NAA16: variants seen among roughly 807,000 people sequenced by gnomAD.
NAA16 encodes the protein N-alpha-acetyltransferase 16, NatA auxiliary subunit.
In NAA16, 97 loss-of-function variants were observed where a neutral mutation model predicts 110.3. The observed-to-expected ratio is 0.88, with a 90% CI of 0.75 to 1.04. The LOEUF is 1.04. NAA16 is among the 50% of genes least tolerant of loss of function. The probability of loss-of-function intolerance (pLI) is 0.00; values close to 1 mark genes in which losing one functional copy is unlikely to be tolerated. For missense variants in NAA16, 1,017 were observed against 1,005.1 expected, an observed-to-expected ratio of 1.01 and a Z score of -0.16; for synonymous variants, 372 against 330.6, an observed-to-expected ratio of 1.13 and a Z score of -1.36.
At chr13:41,372,705 A>G in intron 16 of NAA16, 27 bp from the exon 17 acceptor site, 1 of 1,575,104 alleles carries the variant, frequency 6.3e-7, no homozygotes, top group South Asian at 1.2e-5. Flanking sequence ...TATTAATGCT[A>G]TTACTTTTGT....
intron 7 of NAA16, among the ~76,000 whole-genome samples, chr13:41,330,346 T>A (rs909543421): frequency 4.6e-5 from 7 of 152,134 alleles, no homozygotes; most frequent in Admixed American, 4.6e-4. Context: ...TTGATATTAA[T>A]CTTGAATATC....
chr13:41,339,431 G>A (rs768028373), intron 9 of NAA16, among the ~76,000 whole-genome samples: 15 of 152,126 alleles, frequency 9.9e-5, no homozygotes, highest in South Asian at 8.3e-4. Context: ...GAGCCACCGC[G>A]CCTGGCCGAA....
rs191580529 is a variant in NAA16, at chr13:41,339,545, T to G, written c.1014+2789T>G. On this transcript the variant is annotated intron_variant, in intron 9 of 19. Transcript: ENST00000379406. ...TTGTCAGACAAATTCCATAACTTTT[T>G]TTTGTTTGTTTGTTTTGTTTTTGTT... is the stretch of plus-strand genomic sequence containing the variant. Among the ~76,000 whole-genome samples the G allele has an allele frequency of 1.8e-4, 28 of 152,200 alleles. No homozygotes were observed. In the East Asian group the frequency reaches 2.3e-3, roughly 13 times the overall value.
rs1470988038 is a variant in NAA16, at chr13:41,358,486, T to C, written c.1257+13T>C. On this transcript the variant is annotated intron_variant, in intron 11 of 19. Transcript: ENST00000379406. ...AAAAATTTACAAGGTAAAATCTGAA[T>C]CCTGTTTTTTGAGTAGTTGAAGAAT... is the stretch of plus-strand genomic sequence containing the variant. The C allele has an allele frequency of 1.9e-6, 3 of 1,612,408 alleles. No homozygotes were observed. The highest frequency in any genetic ancestry group is 2.5e-6 in the Non-Finnish European group (3 of 1,178,916).
Position 41,316,924 on chromosome 13 carries a change from C to T in NAA16, c.133C>T (p.His45Tyr). Residue 45 changes from histidine (H) to tyrosine (Y), a missense_variant, in exon 2 of 20, where the codon CAT (histidine) becomes TAT (tyrosine). Transcript: ENST00000379406. The part of the protein sequence containing the change: ...MILSNPKFAE[H>Y]GETLAMKGLT... Reference sequence around the variant, plus strand: ...TCTGTCGAACCCAAAATTTGCTGAACATGGAGGTATTGTCTCATGTGAGAG... The same window carrying T: ...TCTGTCGAACCCAAAATTTGCTGAATATGGAGGTATTGTCTCATGTGAGAG... The T allele has an allele frequency of 1.2e-6, 2 of 1,610,140 alleles. No homozygotes were observed. Among genetic ancestry groups the T allele is most frequent in the South Asian group, 1.1e-5 (1 of 90,982 alleles).
intron 13 of NAA16, among the ~76,000 whole-genome samples, chr13:41,363,670 T>C (rs2043156657): frequency 6.6e-6 from 1 of 152,146 alleles, no homozygotes; most frequent in African/African-American, 2.4e-5. Context: ...AAGAAATTAA[T>C]TGGTAAAAAG....
chr13:41,325,905 A>G (rs2042081863), intron 6 of NAA16, 54 bp downstream of exon 6: 3 of 1,430,948 alleles, frequency 2.1e-6, no homozygotes, highest in East Asian at 2.3e-5. Context: ...AAAAAACTAT[A>G]TATTTTATTC....
At position 41,360,055 on chromosome 13, in the gene NAA16, A is replaced by G. The variant is rs189407564; in HGVS notation, c.1410+1093A>G. Among the ~76,000 whole-genome samples, 335 of 152,312 alleles carry G rather than the reference A, an allele frequency of 2.2e-3. 1 individual carries two copies. Among genetic ancestry groups the G allele is most frequent in the African/African-American group, 6.3e-3 (263 of 41,572 alleles). ...CAAAGTCTTCAATGCCCTTTCCACTATATCACAGGTTTGAAATTAAGAAGA... is the reference window on the plus strand; with the variant it reads ...CAAAGTCTTCAATGCCCTTTCCACTGTATCACAGGTTTGAAATTAAGAAGA... On this transcript the variant is annotated intron_variant, in intron 12 of 19. Coordinates refer to ENST00000379406, the MANE Select transcript of NAA16 (RefSeq NM_024561.5).
intron 1 of NAA16, among the ~76,000 whole-genome samples, chr13:41,313,508 G>A (rs2041710072): frequency 1.3e-5 from 2 of 152,222 alleles, no homozygotes; most frequent in South Asian, 4.1e-4. Context: ...ATAGCAAACA[G>A]AAGTCTCTGT....
intron 1 of NAA16, among the ~76,000 whole-genome samples, chr13:41,314,016 C>T (rs2041740810): frequency 6.6e-6 from 1 of 152,032 alleles, no homozygotes; most frequent in African/African-American, 2.4e-5. Context: ...TTGTCTTTAC[C>T]CGAGTACTTG....
At chr13:41,356,286 G>A (rs994709242) in intron 10 of NAA16, among the ~76,000 whole-genome samples, 5 of 152,134 alleles carry the variant, frequency 3.3e-5, no homozygotes, top group Admixed American at 2.6e-4. Context: ...CTCAGCCTCC[G>A]AAAGTGCTGG....
chr13:41,320,877 A>T, intron 4 of NAA16, 53 bp downstream of exon 4: 1 of 1,491,758 alleles, frequency 6.7e-7, no homozygotes, highest in South Asian at 1.3e-5. Context: ...AAAATTTAAG[A>T]GCGTGTCATT....
chr13:41,344,080 A>C (rs1428965465), intron 9 of NAA16, among the ~76,000 whole-genome samples: 1 of 151,850 alleles, frequency 6.6e-6, no homozygotes, highest in Non-Finnish European at 1.5e-5. Context: ...TTGGTTTTTC[A>C]AGTTATTATT....
chr13:41,362,967 G>A (rs887200276), intron 13 of NAA16: 2 of 1,019,518 alleles, frequency 2.0e-6, no homozygotes, highest in Non-Finnish European at 2.5e-6. Context: ...ATTTTAGGGG[G>A]TGGCTTTTGA....
At chr13:41,354,570 G>T (rs1223118094) in intron 9 of NAA16, 2 of 152,092 alleles carry the variant, frequency 1.3e-5, no homozygotes, top group Non-Finnish European at 2.9e-5. Flanking sequence ...AATATAGAAC[G>T]CTTCATGAAT....
At chr13:41,337,257 A>G (rs1346240740) in intron 9 of NAA16, among the ~76,000 whole-genome samples, 1 of 152,138 alleles carries the variant, frequency 6.6e-6, no homozygotes, top group East Asian at 1.9e-4. Context: ...TAAAATTAGA[A>G]AATAGGCCAG....
At chr13:41,332,834 G>T (rs2042276076) in intron 8 of NAA16, among the ~76,000 whole-genome samples, 1 of 152,082 alleles carries the variant, frequency 6.6e-6, no homozygotes, top group Admixed American at 6.5e-5. Context: ...AAATGTATTT[G>T]ATTAGACAGT....
At chr13:41,340,341 C>G (rs1472489883) in intron 9 of NAA16, among the ~76,000 whole-genome samples, 1 of 152,090 alleles carries the variant, frequency 6.6e-6, no homozygotes, top group Admixed American at 6.5e-5. Context: ...CAGTTCTCCT[C>G]TGATCTTAGT....
chr13:41,374,639 T>A, intron 18 of NAA16, 103 bp from the exon 19 acceptor site: 1 of 743,036 alleles, frequency 1.3e-6, no homozygotes, highest in Non-Finnish European at 2.2e-6. Context: ...AGCTTACCAC[T>A]GATTAAACAC....
Sources: gnomAD v4.1 joint callset for allele counts (sites outside exome capture counted in the v4.1 genomes callset) on GRCh38, gnomAD v4.1.1 for gene constraint, MANE v1.5 for transcripts, NCBI Gene and HGNC (gene_info 2026-07-23, HGNC 2026-07-21) for gene names.